Variants in BNC1 observed in about 807,000 individuals in gnomAD.
BNC1 encodes the protein zinc finger protein basonuclin-1.
A neutral mutation model predicts 66.5 loss-of-function variants in BNC1; 8 were observed. The observed-to-expected ratio is 0.12, with a 90% CI of 0.07 to 0.22. The LOEUF (loss-of-function observed/expected upper bound fraction) is 0.22, where lower values mean the gene tolerates loss of function less well. BNC1 is among the 10% of genes least tolerant of loss of function. The pLI, the probability that BNC1 is intolerant of heterozygous loss-of-function variation, is 1.00. For missense variants in BNC1, 1,069 were observed against 1,241.3 expected, an observed-to-expected ratio of 0.86 and a Z score of 2.09; for synonymous variants, 454 against 452.6, an observed-to-expected ratio of 1.00 and a Z score of -0.04.
chr15:83,282,192 T>C (rs958698105), intron 1 of BNC1, among the ~76,000 whole-genome samples: 1 of 152,214 alleles, frequency 6.6e-6, no homozygotes, highest in Non-Finnish European at 1.5e-5. Flanking sequence ...TCCCAAAGTG[T>C]GAGCATCATG....
rs1195954687 is a variant in BNC1, at chr15:83,256,308, C to T, written c.*1134G>A. Reference sequence around the variant, plus strand: ...CATTCCACAGGACTGACTGAACTTCCTTTCTACCATGGAAAATGTATGTAA... The same window carrying T: ...CATTCCACAGGACTGACTGAACTTCTTTTCTACCATGGAAAATGTATGTAA... On this transcript the variant is annotated 3_prime_UTR_variant, in exon 5 of 5. Transcript: ENST00000345382. 6.6e-6 allele frequency: 1 copy of T among 152,618 alleles called. No homozygotes were observed. Among genetic ancestry groups the T allele is most frequent in the Non-Finnish European group, 1.5e-5 (1 of 68,042 alleles). 9.5% of individuals were successfully genotyped at this position (152,618 alleles called of 1,614,324 possible).
chr15:83,281,876 AG>A (rs1337387103), intron 1 of BNC1, among the ~76,000 whole-genome samples: 1 of 152,200 alleles, frequency 6.6e-6, no homozygotes, highest in Non-Finnish European at 1.5e-5. Context: ...GATGATCTTG[AG>A]GTACAGAAAG....
chr15:83,277,443 G>C (rs1376723941), intron 1 of BNC1, among the ~76,000 whole-genome samples: 1 of 152,004 alleles, frequency 6.6e-6, no homozygotes. Context: ...CTGAGTAGCT[G>C]GGACTACAGA....
chr15:83,262,054 T>G lies in BNC1; in HGVS notation c.2300+897A>C, dbSNP rs1030586904. On this transcript the variant is annotated intron_variant, in intron 4 of 4. Coordinates refer to ENST00000345382, the MANE Select transcript of BNC1 (RefSeq NM_001717.4). ...GTGACAACTAGTTCATGTTTTTTTT[T>G]TTTTTTTTTTTTGAGACAGAGTCTC... Among the ~76,000 whole-genome samples the G allele has an allele frequency of 3.4e-5, 5 of 148,964 alleles. No individual in the cohort carries two copies. In the East Asian group the frequency reaches 5.8e-4, roughly 17 times the overall value.
intron 1 of BNC1, among the ~76,000 whole-genome samples, chr15:83,276,772 G>A (rs2038327381): frequency 6.6e-6 from 1 of 152,206 alleles, no homozygotes; most frequent in Admixed American, 6.5e-5. Flanking sequence ...TGGCTGAGAA[G>A]AAAGAGTAGC....
intron 1 of BNC1, 34 bp from the exon 2 acceptor site, chr15:83,268,266 T>C (rs1165609186): frequency 6.5e-6 from 10 of 1,526,802 alleles, no homozygotes; most frequent in East Asian, 2.2e-5. Flanking sequence ...ATGTGGAGCA[T>C]GTAAGTGATG....
At chr15:83,270,454 C>G (rs935002949) in intron 1 of BNC1, among the ~76,000 whole-genome samples, 1 of 152,188 alleles carries the variant, frequency 6.6e-6, no homozygotes, top group Non-Finnish European at 1.5e-5. Context: ...TCACCAGCAA[C>G]GTATGAGGGT....
In BNC1 at chr15:83,264,022, T is replaced by C. The variant is rs1008843271; in HGVS notation, c.1229A>G (p.Asn410Ser). The part of the protein sequence containing the change: ...RSRNRHSANP[N>S]PRLHMPMNRN... ...GTTCATTGGCATGTGCAGCCGAGGGTTGGGGTTGGCGCTATGGCGATTCCG... is the reference window on the plus strand; with the variant it reads ...GTTCATTGGCATGTGCAGCCGAGGGCTGGGGTTGGCGCTATGGCGATTCCG... Residue 410 changes from asparagine (N) to serine (S), a missense_variant, in exon 4 of 5, where the codon AAC (asparagine) becomes AGC (serine). Physicochemically the swap from Asn to Ser is conservative, Grantham distance 46. Around this residue, in one of 7 missense-constraint regions of BNC1, gnomAD observed 82 missense variants for 136.3 expected, o/e 0.60. Coordinates refer to ENST00000345382, the MANE Select transcript of BNC1 (RefSeq NM_001717.4). 2 of 1,613,952 alleles carry C rather than the reference T, an allele frequency of 1.2e-6. No individual in the cohort carries two copies. The highest frequency in any genetic ancestry group is 1.7e-6 in the Non-Finnish European group (2 of 1,180,022).
intron 1 of BNC1, among the ~76,000 whole-genome samples, chr15:83,269,590 A>G (rs1462360995): frequency 6.6e-6 from 1 of 152,184 alleles, no homozygotes; most frequent in African/African-American, 2.4e-5. Flanking sequence ...TTTAAGGAGT[A>G]TATGATCAGT....
intron 1 of BNC1, among the ~76,000 whole-genome samples, chr15:83,281,887 G>C (rs2038382345): frequency 6.6e-6 from 1 of 152,356 alleles, no homozygotes; most frequent in African/African-American, 2.4e-5. Flanking sequence ...GGTACAGAAA[G>C]TGGGCATGGG....
chr15:83,277,623 A>G (rs931298596), intron 1 of BNC1, among the ~76,000 whole-genome samples: 4 of 152,106 alleles, frequency 2.6e-5, no homozygotes, highest in Non-Finnish European at 5.9e-5. Flanking sequence ...TTTTCTAAGT[A>G]GTACTTTTTA....
intron 1 of BNC1, chr15:83,283,006 G>A (rs1173596339): frequency 6.2e-6 from 7 of 1,133,542 alleles, no homozygotes; most frequent in Admixed American, 2.1e-5. Flanking sequence ...GCCTTCAGAG[G>A]ACTGAGGCGA....
chr15:83,257,122 G>A lies in BNC1; in HGVS notation c.*320C>T, dbSNP rs1238663227. On this transcript the variant is annotated 3_prime_UTR_variant, in exon 5 of 5. Coordinates refer to ENST00000345382, the MANE Select transcript of BNC1 (RefSeq NM_001717.4). Reference sequence around the variant, plus strand: ...ATTTAAAGCCACCCCCAGGTCCTGGGCCCACTGGTGTCGATCTGCAGACCT... The same window carrying A: ...ATTTAAAGCCACCCCCAGGTCCTGGACCCACTGGTGTCGATCTGCAGACCT... 2 of 361,062 alleles carry A rather than the reference G, an allele frequency of 5.5e-6. No homozygotes were observed. The highest frequency in any genetic ancestry group is 1.0e-5 in the Non-Finnish European group (2 of 199,260). The allele number at this position is 361,062 out of a possible 1,614,324, so 22.4% of individuals were successfully genotyped here. A position where few individuals can be genotyped will look rare whatever the true frequency, so the allele number is the denominator to read the frequency against.
Position 83,259,239 on chromosome 15 carries a change from C to A in BNC1, c.2301-1113G>T, listed in dbSNP as rs751835342. Among the ~76,000 whole-genome samples the A allele has an allele frequency of 2.0e-5, 3 of 152,240 alleles. No individual in the cohort carries two copies. In the South Asian group the frequency reaches 6.2e-4, roughly 32 times the overall value. On this transcript the variant is annotated intron_variant, in intron 4 of 4. Transcript: ENST00000345382. ...TCAGAAATCCTCTGCTAACTTTTGACAAGCAAAAGTCCTTACCAAGGGGGT... is the reference window on the plus strand; with the variant it reads ...TCAGAAATCCTCTGCTAACTTTTGAAAAGCAAAAGTCCTTACCAAGGGGGT...
intron 1 of BNC1, chr15:83,283,581 C>T: frequency 2.2e-6 from 2 of 909,792 alleles, no homozygotes; most frequent in Non-Finnish European, 2.6e-6. Context: ...CCATGCAAAC[C>T]CCTGAAGGAA....
At chr15:83,283,953 G>A (rs1024657094) in intron 1 of BNC1, among the ~76,000 whole-genome samples, 4 of 152,150 alleles carry the variant, frequency 2.6e-5, no homozygotes, top group African/African-American at 9.7e-5. Context: ...CGCAGTGGAC[G>A]GGAGCCTCCT....
In BNC1 at chr15:83,283,512, G is replaced by C. The variant is rs948308919; in HGVS notation, c.99+1018C>G. On this transcript the variant is annotated intron_variant, in intron 1 of 4. Coordinates refer to ENST00000345382, the MANE Select transcript of BNC1 (RefSeq NM_001717.4). ...GCTCGCAGGTCCCAAGGCCAGGCTG[G>C]GCGGGACTGTTAAGGGAGCTCGAAG... 3 of 985,276 alleles carry C rather than the reference G, an allele frequency of 3.0e-6. No individual in the cohort carries two copies. The African/African-American group carries it at 5.2e-5, about 17-fold the overall frequency. The allele number at this position is 985,276 out of a possible 1,614,324, so 61.0% of individuals were successfully genotyped here. A position where few individuals can be genotyped will look rare whatever the true frequency, so the allele number is the denominator to read the frequency against.
At position 83,276,223 on chromosome 15, in the gene BNC1, AGT is replaced by A. The variant is rs2038321530; in HGVS notation, c.100-7993_100-7992del. On this transcript the variant is annotated intron_variant, in intron 1 of 4. Coordinates refer to ENST00000345382, the MANE Select transcript of BNC1 (RefSeq NM_001717.4). ...TGTTACTGCTGCCAGACCCACAACA[AGT>A]AAGTTCTTCGGTCTTCTGGGCTCTG... 2.0e-5 allele frequency among the ~76,000 whole-genome samples: 3 copies of A among 152,336 alleles called. No homozygotes were observed. In the South Asian group the frequency reaches 6.2e-4, roughly 32 times the overall value.
At chr15:83,269,466 A>AT (rs61287246) in intron 1 of BNC1, among the ~76,000 whole-genome samples, 255 of 152,212 alleles carry the variant, frequency 1.7e-3, no homozygotes, top group African/African-American at 5.8e-3. Flanking sequence ...TGGAGGAGGG[A>AT]TAAAAAAGCC....
Sources: allele counts gnomAD v4.1 joint callset (sites outside exome capture counted in the v4.1 genomes callset), GRCh38; gene constraint gnomAD v4.1.1; regional missense constraint gnomAD v4.1.1; transcripts MANE v1.5; gene names NCBI Gene and HGNC (gene_info 2026-07-23, HGNC 2026-07-21).